Variants in SGCZ observed in about 807,000 individuals in gnomAD.
SGCZ encodes the protein sarcoglycan zeta.
Under a neutral mutation model 41.3 loss-of-function variants are expected in SGCZ, and 40 were observed. The ratio of observed to expected loss-of-function variants is 0.97; its 90% CI spans 0.75 to 1.26. The LOEUF (loss-of-function observed/expected upper bound fraction) is 1.26. Ranked by LOEUF, SGCZ falls within the 50% of genes most tolerant of loss-of-function variation. The pLI, the probability that SGCZ is intolerant of heterozygous loss-of-function variation, is 0.00. For missense variants in SGCZ, 552 were observed against 369.8 expected, an observed-to-expected ratio of 1.49 and a Z score of -4.04; for synonymous variants, 206 against 137.5, an observed-to-expected ratio of 1.50 and a Z score of -3.49.
In SGCZ at chr8:15,191,371, A is replaced by G. The variant is rs1800531782; in HGVS notation, c.39+46214T>C. Among the ~76,000 whole-genome samples, 3 of 152,120 alleles carry G rather than the reference A, an allele frequency of 2.0e-5. No homozygotes were observed. In the East Asian group the frequency reaches 5.8e-4, roughly 29 times the overall value. On this transcript the variant is annotated intron_variant, in intron 1 of 7. Transcript: ENST00000382080. ...GACCAGGCAGGTAAACTTGTAACAA[A>G]TGATGTAGAAAATATATTTGACCAA...
At chr8:14,985,640 T>G (rs1221593511) in intron 1 of SGCZ, among the ~76,000 whole-genome samples, 1 of 152,160 alleles carries the variant, frequency 6.6e-6, no homozygotes, top group African/African-American at 2.4e-5. Flanking sequence ...TTGCATTGTG[T>G]GCAAGTCAAA....
At chr8:14,894,087 C>G (rs1403171332) in intron 1 of SGCZ, among the ~76,000 whole-genome samples, 1 of 152,030 alleles carries the variant, frequency 6.6e-6, no homozygotes, top group Non-Finnish European at 1.5e-5. Context: ...AATTAATTGG[C>G]ATTGATTTAT....
chr8:14,533,785 A>G (rs1030338368), intron 2 of SGCZ, among the ~76,000 whole-genome samples: 16 of 152,062 alleles, frequency 1.1e-4, no homozygotes, highest in Admixed American at 1.1e-3. Flanking sequence ...AACAAGAATA[A>G]TTATTAATTT....
chr8:14,334,647 T>C (rs780202626), intron 2 of SGCZ, among the ~76,000 whole-genome samples: 8 of 152,060 alleles, frequency 5.3e-5, no homozygotes, highest in Non-Finnish European at 1.0e-4. Flanking sequence ...AATTTCTTAT[T>C]TGCCTCAAAT....
intron 1 of SGCZ, among the ~76,000 whole-genome samples, chr8:14,937,436 C>T (rs1037622618): frequency 3.3e-5 from 5 of 151,982 alleles, no homozygotes; most frequent in African/African-American, 4.8e-5. Flanking sequence ...CTTTAGCAAA[C>T]ATTCAAGCCT....
intron 1 of SGCZ, among the ~76,000 whole-genome samples, chr8:15,098,561 T>A (rs757487571): frequency 1.3e-5 from 2 of 152,208 alleles, no homozygotes; most frequent in Non-Finnish European, 2.9e-5. Flanking sequence ...AAATGTCAAA[T>A]TGGAGGTTTT....
chr8:14,732,575 C>T (rs978772196), intron 1 of SGCZ, among the ~76,000 whole-genome samples: 2 of 152,204 alleles, frequency 1.3e-5, no homozygotes, highest in African/African-American at 4.8e-5. Flanking sequence ...TCACACTCCA[C>T]TGCAGGTGTA....
At chr8:14,695,437 C>G (rs1166452278) in intron 1 of SGCZ, among the ~76,000 whole-genome samples, 3 of 151,724 alleles carry the variant, frequency 2.0e-5, no homozygotes, top group Admixed American at 2.0e-4. Flanking sequence ...CTCATGTGTC[C>G]AAAAGTACCA....
chr8:14,683,696 A>G (rs1025701088), intron 1 of SGCZ, among the ~76,000 whole-genome samples: 1 of 152,160 alleles, frequency 6.6e-6, no homozygotes, highest in Admixed American at 6.5e-5. Context: ...GTACAAGTGT[A>G]TAATTCTTCA....
intron 1 of SGCZ, among the ~76,000 whole-genome samples, chr8:14,675,490 A>G (rs1292308890): frequency 6.6e-6 from 1 of 152,152 alleles, no homozygotes; most frequent in Non-Finnish European, 1.5e-5. Flanking sequence ...TGGCTTATTT[A>G]TTGACCACTG....
chr8:14,473,222 G>C (rs1479349717), intron 2 of SGCZ, among the ~76,000 whole-genome samples: 1 of 152,022 alleles, frequency 6.6e-6, no homozygotes, highest in African/African-American at 2.4e-5. Flanking sequence ...TTATGTATTA[G>C]AGAAACAGAT....
intron 1 of SGCZ, among the ~76,000 whole-genome samples, chr8:14,920,750 T>C (rs1031580486): frequency 1.3e-5 from 2 of 152,218 alleles, no homozygotes; most frequent in Non-Finnish European, 2.9e-5. Flanking sequence ...TTAACTATCA[T>C]TAGGATACTT....
chr8:14,770,784 T>C (rs1407199514), intron 1 of SGCZ, among the ~76,000 whole-genome samples: 1 of 152,006 alleles, frequency 6.6e-6, no homozygotes, highest in African/African-American at 2.4e-5. Flanking sequence ...CATAAACTAA[T>C]GATATTAATG....
At chr8:15,175,901 G>A (rs765007171) in intron 1 of SGCZ, among the ~76,000 whole-genome samples, 13 of 152,088 alleles carry the variant, frequency 8.5e-5, no homozygotes, top group Non-Finnish European at 1.8e-4. Flanking sequence ...GGAACAGAAA[G>A]CAGTCAAGAT....
chr8:14,660,790 T>C lies in SGCZ; in HGVS notation c.40-105864A>G, dbSNP rs187500731. Reference sequence around the variant, plus strand: ...AATAAAGAAGAAACTGGAGAGGCCATACAGTAAACATGAAGAGGAGAGTAG... The same window carrying C: ...AATAAAGAAGAAACTGGAGAGGCCACACAGTAAACATGAAGAGGAGAGTAG... On this transcript the variant is annotated intron_variant, in intron 1 of 7. Transcript: ENST00000382080. 7.4e-3 allele frequency among the ~76,000 whole-genome samples: 1,133 copies of C among 152,118 alleles called. 20 individuals carry two copies. Among genetic ancestry groups the C allele is most frequent in the African/African-American group, 0.025 (1,025 of 41,508 alleles).
rs17655708 is a variant in SGCZ at position 15,142,071 on chromosome 8, T to C, written c.39+95514A>G. Among the ~76,000 whole-genome samples, 1,329 of 152,170 alleles carry C rather than the reference T, an allele frequency of 8.7e-3. 78 individuals are homozygous for C. In the East Asian group the frequency reaches 0.15, roughly 17 times the overall value. Reference sequence around the variant, plus strand: ...AGAGCTTATAAAGGTTCCCAACAGATGGGGAAGAGAGGACCTTGATGCTGA... The same window carrying C: ...AGAGCTTATAAAGGTTCCCAACAGACGGGGAAGAGAGGACCTTGATGCTGA... On this transcript the variant is annotated intron_variant, in intron 1 of 7. Coordinates refer to ENST00000382080, the MANE Select transcript of SGCZ (RefSeq NM_139167.4).
At chr8:14,466,107 C>T (rs985909794) in intron 2 of SGCZ, among the ~76,000 whole-genome samples, 2 of 151,890 alleles carry the variant, frequency 1.3e-5, no homozygotes, top group African/African-American at 4.8e-5. Flanking sequence ...TTTTATTCCA[C>T]CCTGATAGAA....
At chr8:14,200,479 T>C (rs1805417643) in intron 4 of SGCZ, among the ~76,000 whole-genome samples, 1 of 152,060 alleles carries the variant, frequency 6.6e-6, no homozygotes, top group African/African-American at 2.4e-5. Flanking sequence ...TCATGTACAG[T>C]GCAGTATTTT....
intron 1 of SGCZ, among the ~76,000 whole-genome samples, chr8:14,591,723 T>C (rs1353003201): frequency 6.6e-6 from 1 of 152,170 alleles, no homozygotes. Flanking sequence ...CTGCATAATT[T>C]TAATGCTTGA....
Sources: allele counts gnomAD v4.1 joint callset (sites outside exome capture counted in the v4.1 genomes callset), GRCh38; gene constraint gnomAD v4.1.1; transcripts MANE v1.5; gene names NCBI Gene and HGNC (gene_info 2026-07-23, HGNC 2026-07-21).